The following CUX1 variants were observed in gnomAD, a reference collection of about 807,000 sequenced individuals.
CUX1 encodes the protein protein CASP.
In CUX1, 31 loss-of-function variants were observed where a neutral mutation model predicts 158.8. The observed-to-expected ratio is 0.20, with a 90% CI of 0.15 to 0.26. CUX1 has a LOEUF of 0.26. Ranked by LOEUF, CUX1 falls within the 10% of genes least tolerant of loss-of-function variation. CUX1 has a pLI of 1.00. For missense variants in CUX1, 1,589 were observed against 2,014.6 expected, an observed-to-expected ratio of 0.79 and a Z score of 4.04; for synonymous variants, 879 against 862.1, an observed-to-expected ratio of 1.02 and a Z score of -0.34.
Position 101,921,440 on chromosome 7 carries a change from T to TTTAATTTA in CUX1, c.141+5217_141+5218insAATTTATT, listed in dbSNP as rs57287691. On this transcript the variant is annotated intron_variant, in intron 2 of 23. Transcript: ENST00000292535. Reference sequence around the variant, plus strand: ...TGGGGAATTTCTATGTTTTATTTTATTTTATTTATTTATTTATTTATTTAT... The same window carrying TTTAATTTA: ...TGGGGAATTTCTATGTTTTATTTTATTTAATTTATTTATTTATTTATTTATTTATTTAT... Among the ~76,000 whole-genome samples, 3 of 150,096 alleles carry TTTAATTTA rather than the reference T, an allele frequency of 2.0e-5. No individual in the cohort carries two copies. In the Admixed American group the frequency reaches 2.0e-4, roughly 10 times the overall value.
intron 3 of CUX1, among the ~76,000 whole-genome samples, chr7:102,065,373 C>A (rs1825428451): frequency 6.6e-6 from 1 of 152,178 alleles, no homozygotes; most frequent in Admixed American, 6.6e-5. Context: ...TGCCACCATG[C>A]CCAGCTAATT....
rs991777834 is a variant in CUX1 at position 101,888,502 on chromosome 7, G to A, written c.31-27613G>A. On this transcript the variant is annotated intron_variant, in intron 1 of 23. Coordinates refer to ENST00000292535, the MANE Select transcript of CUX1 (RefSeq NM_181552.4). ...TATTCTGTTTCTCCATGTTCATACCGCCAGCCTGATGCCTCATTTGCACAA... is the reference window on the plus strand; with the variant it reads ...TATTCTGTTTCTCCATGTTCATACCACCAGCCTGATGCCTCATTTGCACAA... Among the ~76,000 whole-genome samples, 4 of 152,054 alleles carry A rather than the reference G, an allele frequency of 2.6e-5. No individual in the cohort carries two copies. In the East Asian group the frequency reaches 5.8e-4, roughly 22 times the overall value.
chr7:101,952,220 A>G (rs1159453229), intron 2 of CUX1, among the ~76,000 whole-genome samples: 1 of 150,516 alleles, frequency 6.6e-6, no homozygotes, highest in Non-Finnish European at 1.5e-5. Flanking sequence ...CCGTCTCTAC[A>G]AAAAAAAATA....
chr7:101,967,819 A>C (rs111604590), intron 2 of CUX1, among the ~76,000 whole-genome samples: 1 of 152,194 alleles, frequency 6.6e-6, no homozygotes, highest in African/African-American at 2.4e-5. Context: ...TGGGGCCAGG[A>C]CGTCTGTAAG....
At chr7:102,097,090 A>G (rs1829276873) in intron 4 of CUX1, among the ~76,000 whole-genome samples, 1 of 152,252 alleles carries the variant, frequency 6.6e-6, no homozygotes, top group Non-Finnish European at 1.5e-5. Context: ...TGAAAGTGTC[A>G]CACCAGGCAG....
At chr7:102,081,978 A>C (rs1368707460) in intron 4 of CUX1, among the ~76,000 whole-genome samples, 1 of 146,416 alleles carries the variant, frequency 6.8e-6, no homozygotes, top group Non-Finnish European at 1.5e-5. Flanking sequence ...CATAATGCAC[A>C]ACTCAGCCTG....
intron 11 of CUX1, among the ~76,000 whole-genome samples, chr7:102,180,904 TTATTTTATTTTATTG>T (rs1304266001): frequency 0.028 from 2,458 of 86,346 alleles, 49 homozygotes; most frequent in African/African-American, 0.13. Context: ...AATTTTTATT[TTATTTTATTTTATTG>T]TATTTTATTT....
chr7:102,243,233 C>G (rs1800414778), intron 23 of CUX1, among the ~76,000 whole-genome samples: 1 of 152,098 alleles, frequency 6.6e-6, no homozygotes, highest in Non-Finnish European at 1.5e-5. Context: ...ATGATCATAC[C>G]ACTGCACTCC....
intron 1 of CUX1, among the ~76,000 whole-genome samples, chr7:101,831,005 G>A (rs962312331): frequency 1.3e-5 from 2 of 152,106 alleles, no homozygotes; most frequent in Non-Finnish European, 2.9e-5. Context: ...AATGGATCCT[G>A]TTCAAGCCCC....
chr7:102,227,415 C>T lies in CUX1; in HGVS notation c.3179C>T (p.Pro1060Leu). 8 of 1,613,796 alleles carry T rather than the reference C, an allele frequency of 5.0e-6. No homozygotes were observed. Among genetic ancestry groups the T allele is most frequent in the Non-Finnish European group, 5.9e-6 (7 of 1,179,868 alleles). Reference sequence around the variant, plus strand: ...AGCTGCAGCCCTGCCCCTGAGTCCCCGATGAGTTCCAGTGAGTCGGTGAAG... The same window carrying T: ...AGCTGCAGCCCTGCCCCTGAGTCCCTGATGAGTTCCAGTGAGTCGGTGAAG... ...SASCSPAPESPMSSSESVKSL... is the reference protein window; with the variant it reads ...SASCSPAPESLMSSSESVKSL... Residue 1060 changes from proline to leucine, a missense_variant, in exon 21 of 24, where the codon CCG becomes CTG. Physicochemically the swap from Pro to Leu is moderately conservative, Grantham distance 98. Around this residue, in one of 8 missense-constraint regions of CUX1, gnomAD observed 259 missense variants for 373.8 expected, o/e 0.69. Transcript: ENST00000292535.
intron 14 of CUX1, among the ~76,000 whole-genome samples, chr7:102,270,382 G>A (rs782716431): frequency 5.9e-5 from 9 of 152,318 alleles, no homozygotes; most frequent in South Asian, 2.1e-4. Flanking sequence ...TCCTCCCAGC[G>A]TGGAGTGACA....
chr7:102,264,031 A>G (rs1489592912), intron 14 of CUX1, among the ~76,000 whole-genome samples: 26 of 80,998 alleles, frequency 3.2e-4, no homozygotes, highest in Admixed American at 4.4e-4. Context: ...TTTGAGACGG[A>G]GTCTTGCTCT....
intron 3 of CUX1, among the ~76,000 whole-genome samples, chr7:102,068,402 C>T (rs1056297194): frequency 2.6e-5 from 4 of 151,950 alleles, no homozygotes; most frequent in Admixed American, 1.3e-4. Context: ...CAGGCGTGAG[C>T]CACCACACCT....
At position 102,253,038 on chromosome 7, in the gene CUX1, A is replaced by G; in HGVS notation, c.*3996A>G. 1 of 985,450 alleles carries G rather than the reference A, an allele frequency of 1.0e-6. No individual in the cohort carries two copies. The highest frequency in any genetic ancestry group is 1.2e-6 in the Non-Finnish European group (1 of 829,936). The allele number at this position is 985,450 out of a possible 1,614,324, so 61.0% of individuals were successfully genotyped here. A position where few individuals can be genotyped will look rare whatever the true frequency, so the allele number is the denominator to read the frequency against. ...GCTACTTTGTGCAAGTAATTGAGGC[A>G]AAAGATACCAGTCGACAGCCTCCCT... On this transcript the variant is annotated 3_prime_UTR_variant, in exon 24 of 24. Coordinates refer to ENST00000292535, the MANE Select transcript of CUX1 (RefSeq NM_181552.4).
chr7:101,850,254 G>T (rs1297472158), intron 1 of CUX1, among the ~76,000 whole-genome samples: 1 of 151,668 alleles, frequency 6.6e-6, no homozygotes, highest in Admixed American at 6.6e-5. Context: ...TTTTTCTGAA[G>T]GTAGTCATTG....
At chr7:101,876,093 C>T (rs950948506) in intron 1 of CUX1, among the ~76,000 whole-genome samples, 1 of 152,118 alleles carries the variant, frequency 6.6e-6, no homozygotes, top group African/African-American at 2.4e-5. Context: ...CGCCTGTAAT[C>T]CCAGCACTTT....
chr7:102,249,759 A>G lies in CUX1; in HGVS notation c.*717A>G, dbSNP rs1266155505. Reference sequence around the variant, plus strand: ...GTTGCCACTAAGAGATTGCACAGTCAAAACGACTCTAAACACACTAGTTTG... The same window carrying G: ...GTTGCCACTAAGAGATTGCACAGTCGAAACGACTCTAAACACACTAGTTTG... On this transcript the variant is annotated 3_prime_UTR_variant, in exon 24 of 24. Transcript: ENST00000292535. 2.0e-6 allele frequency: 2 copies of G among 985,736 alleles called. No homozygotes were observed. Among genetic ancestry groups the G allele is most frequent in the Non-Finnish European group, 1.2e-6 (1 of 829,916 alleles). 61.1% of individuals were successfully genotyped at this position (985,736 alleles called of 1,614,324 possible). A position where few individuals can be genotyped will look rare whatever the true frequency, so the allele number is the denominator to read the frequency against.
chr7:102,033,955 G>A (rs1821103328), intron 3 of CUX1, among the ~76,000 whole-genome samples: 1 of 151,892 alleles, frequency 6.6e-6, no homozygotes, highest in Non-Finnish European at 1.5e-5. Flanking sequence ...AGACCAGCCT[G>A]GCCAACATGG....
At chr7:102,105,564 G>C (rs2131002224) in intron 6 of CUX1, among the ~76,000 whole-genome samples, 1 of 143,448 alleles carries the variant, frequency 7.0e-6, no homozygotes, top group Admixed American at 7.3e-5. Flanking sequence ...CCAGGCTGGA[G>C]TGCAATGGCG....
Sources: allele counts gnomAD v4.1 joint callset (sites outside exome capture counted in the v4.1 genomes callset), GRCh38; gene constraint gnomAD v4.1.1; regional missense constraint gnomAD v4.1.1; transcripts MANE v1.5; gene names NCBI Gene and HGNC (gene_info 2026-07-23, HGNC 2026-07-21).